ODAPH: variants seen among roughly 807,000 people sequenced by gnomAD.
ODAPH encodes amelogenesis imperfecta type IIA4.
ODAPH carries 2 observed loss-of-function variants against 2.8 expected under a neutral mutation model. That is an observed-to-expected ratio of 0.72 (90% CI 0.30 to 2.28). The LOEUF (loss-of-function observed/expected upper bound fraction) is 2.28, where lower values mean the gene tolerates loss of function less well. Among genes scored for constraint, ODAPH ranks in the 30% most tolerant of loss-of-function variants. The probability of loss-of-function intolerance (pLI) is 0.13; values close to 1 mark genes in which losing one functional copy is unlikely to be tolerated. For synonymous variants in ODAPH, 75 were observed against 60.3 expected, an observed-to-expected ratio of 1.24 and a Z score of -1.13; for missense variants, 159 against 163.3, an observed-to-expected ratio of 0.97 and a Z score of 0.14.
chr4:75,564,149 C>A lies in ODAPH; in HGVS notation c.103C>A (p.Gln35Lys), dbSNP rs1423708334. 7 of 1,614,052 alleles carry A rather than the reference C, an allele frequency of 4.3e-6. No homozygotes were observed. Among genetic ancestry groups the A allele is most frequent in the East Asian group, 2.2e-5 (1 of 44,896 alleles). The change falls in exon 2 of 2, where the codon CAA becomes AAA. Residue 35 changes from glutamine (Q) to lysine (K), a missense_variant. Gln to Lys is a moderately conservative substitution (Grantham distance 53). Transcript: ENST00000311623. The stretch of plus-strand genomic sequence containing the variant: ...GGTATTTACGCCTCCTGGAGATTCA[C>A]AAAATAATGCGGACGCTACCGACTG... ...EEVFTPPGDS[Q>K]NNADATDCQI...
intron 1 of ODAPH, among the ~76,000 whole-genome samples, chr4:75,559,771 G>T (rs1186664730): frequency 6.6e-6 from 1 of 152,172 alleles, no homozygotes; most frequent in African/African-American, 2.4e-5. Flanking sequence ...TAGAAACTGA[G>T]ATTTCTCTCA....
chr4:75,557,218 A>G (rs1727370607), intron 1 of ODAPH, among the ~76,000 whole-genome samples: 2 of 152,264 alleles, frequency 1.3e-5, no homozygotes, highest in African/African-American at 2.4e-5. Context: ...TAAAAGAAGC[A>G]TCATAAAACA....
chr4:75,564,654 G>A lies in ODAPH; in HGVS notation c.*215G>A, dbSNP rs756382689. ...GGTTGCAAAATTGGACAATAACCAC[G>A]TTATTTTTATCCTCAACCTCTTATG... On this transcript the variant is annotated 3_prime_UTR_variant, in exon 2 of 2. Coordinates refer to ENST00000311623, the MANE Select transcript of ODAPH (RefSeq NM_178497.5). 9 of 944,262 alleles carry A rather than the reference G, an allele frequency of 9.5e-6. No individual in the cohort carries two copies. Among genetic ancestry groups the A allele is most frequent in the South Asian group, 1.7e-5 (1 of 57,808 alleles). 58.5% of individuals were successfully genotyped at this position (944,262 alleles called of 1,614,324 possible). A position where few individuals can be genotyped will look rare whatever the true frequency, so the allele number is the denominator to read the frequency against.
chr4:75,563,154 T>C (rs1340880396), intron 1 of ODAPH: 1 of 151,368 alleles, frequency 6.6e-6, no homozygotes, highest in Non-Finnish European at 1.5e-5. Flanking sequence ...GCCTCCCGAG[T>C]AGCTGGGACT....
At chr4:75,558,291 A>C (rs1269022254) in intron 1 of ODAPH, among the ~76,000 whole-genome samples, 1 of 152,206 alleles carries the variant, frequency 6.6e-6, no homozygotes, top group Non-Finnish European at 1.5e-5. Context: ...TACAAAATAA[A>C]TTGAGTTTTG....
At chr4:75,558,035 C>T (rs1196373165) in intron 1 of ODAPH, among the ~76,000 whole-genome samples, 8 of 152,242 alleles carry the variant, frequency 5.3e-5, no homozygotes, top group East Asian at 3.8e-4. Flanking sequence ...GCATCACCTA[C>T]GGCACGTATG....
At chr4:75,564,938 C>T (rs974142092), downstream of ODAPH, 3 of 191,534 alleles carry the variant, frequency 1.6e-5, no homozygotes, top group South Asian at 1.8e-4. Flanking sequence ...TATGAGGAGT[C>T]TGACTGTAGC....
Position 75,564,126 on chromosome 4 carries a change from T to C in ODAPH, c.80T>C (p.Val27Ala). 6.2e-7 allele frequency: 1 copy of C among 1,614,162 alleles called. No individual in the cohort carries two copies. Among genetic ancestry groups the C allele is most frequent in the East Asian group, 2.2e-5 (1 of 44,894 alleles). ...VVTVAEGQEE[V>A]FTPPGDSQNN... ...TTCCTCTCCACAGGACAAGAAGAGG[T>C]ATTTACGCCTCCTGGAGATTCACAA... Residue 27 changes from valine (V) to alanine (A), a missense_variant, in exon 2 of 2, where the codon GTA becomes GCA. Transcript: ENST00000311623.
chr4:75,559,948 G>A (rs536874893), intron 1 of ODAPH, among the ~76,000 whole-genome samples: 113 of 152,262 alleles, frequency 7.4e-4, no homozygotes, highest in African/African-American at 2.6e-3. Context: ...AAAGCATGTT[G>A]CAAAGGGTTT....
intron 1 of ODAPH, among the ~76,000 whole-genome samples, chr4:75,558,352 C>T (rs1025466191): frequency 1.3e-5 from 2 of 152,104 alleles, no homozygotes; most frequent in Admixed American, 6.5e-5. Context: ...TGGCTCAAGT[C>T]TGAAAGCACA....
intron 1 of ODAPH, among the ~76,000 whole-genome samples, chr4:75,561,745 G>A (rs893062519): frequency 6.6e-6 from 1 of 152,126 alleles, no homozygotes; most frequent in African/African-American, 2.4e-5. Context: ...TACTCAAGAG[G>A]CTGAGGCAGG....
At chr4:75,561,107 C>G (rs922876835) in intron 1 of ODAPH, among the ~76,000 whole-genome samples, 2 of 151,646 alleles carry the variant, frequency 1.3e-5, no homozygotes, top group Admixed American at 6.6e-5. Context: ...GCCTGTAGTC[C>G]CGGCTACTCG....
chr4:75,557,654 C>A (rs1017811620), intron 1 of ODAPH, among the ~76,000 whole-genome samples: 1 of 152,142 alleles, frequency 6.6e-6, no homozygotes, highest in African/African-American at 2.4e-5. Flanking sequence ...AACAAAACAC[C>A]CATTGAAACA....
chr4:75,561,934 G>A (rs1270877724), intron 1 of ODAPH, among the ~76,000 whole-genome samples: 1 of 152,198 alleles, frequency 6.6e-6, no homozygotes, highest in Non-Finnish European at 1.5e-5. Flanking sequence ...TGTCCCGGAA[G>A]CCTTCCCTAT....
intron 1 of ODAPH, chr4:75,556,616 T>G (rs1727348413): frequency 4.0e-6 from 6 of 1,503,630 alleles, no homozygotes; most frequent in Non-Finnish European, 5.4e-6. Flanking sequence ...ATTGCTTTAA[T>G]TAATCACATC....
intron 1 of ODAPH, chr4:75,556,700 T>G: frequency 1.3e-6 from 1 of 758,522 alleles, no homozygotes; most frequent in Non-Finnish European, 2.2e-6. Context: ...ATTCCATTTC[T>G]CAACTGTTCC....
intron 1 of ODAPH, among the ~76,000 whole-genome samples, chr4:75,562,714 A>G (rs13127958): frequency 0.24 from 36,610 of 151,862 alleles, 4,566 homozygotes; most frequent in African/African-American, 0.3. Context: ...TAAAGAAAAG[A>G]TTACTTTTTT....
intron 1 of ODAPH, among the ~76,000 whole-genome samples, chr4:75,563,759 G>T (rs1214840035): frequency 6.6e-6 from 1 of 152,036 alleles, no homozygotes; most frequent in African/African-American, 2.4e-5. Context: ...CCTTTTTATC[G>T]CTGAGTACTA....
chr4:75,564,137 C>G lies in ODAPH; in HGVS notation c.91C>G (p.Pro31Ala). The change falls in exon 2 of 2, where the codon CCT becomes GCT. Residue 31 changes from proline (P) to alanine (A), a missense_variant. By Grantham distance (27) the Pro-to-Ala change is conservative. Transcript: ENST00000311623. ...AGGACAAGAAGAGGTATTTACGCCT[C>G]CTGGAGATTCACAAAATAATGCGGA... ...AEGQEEVFTP[P>A]GDSQNNADAT... The G allele has an allele frequency of 6.2e-7, 1 of 1,614,174 alleles. No individual in the cohort carries two copies. The highest frequency in any genetic ancestry group is 8.5e-7 in the Non-Finnish European group (1 of 1,180,036).
Sources: allele counts gnomAD v4.1 joint callset (sites outside exome capture counted in the v4.1 genomes callset), GRCh38; gene constraint gnomAD v4.1.1; transcripts MANE v1.5; gene names NCBI Gene and HGNC (gene_info 2026-07-23, HGNC 2026-07-21).